Variants in KRABD5 observed in about 807,000 individuals in gnomAD.
KRABD5 encodes KRAB domain-containing protein 5.
At chr16:31,713,991 G>T in the KRABD5 span, among the ~76,000 whole-genome samples, 1 of 152,192 alleles carries the variant, frequency 6.6e-6, no homozygotes. Context: ...TTCCACTTTG[G>T]CTGTAGAAAA....
At chr16:31,757,156 A>G in the KRABD5 span, 1 of 152,180 alleles carries the variant, frequency 6.6e-6, no homozygotes, top group Admixed American at 6.5e-5. Context: ...ATGGATTTTA[A>G]GAATGTTTTT....
the KRABD5 span, among the ~76,000 whole-genome samples, chr16:31,740,257 A>G: frequency 1.3e-5 from 2 of 152,152 alleles, no homozygotes; most frequent in South Asian, 2.1e-4. Flanking sequence ...AGTCCCTTAG[A>G]CACTCTGTTT....
At chr16:31,736,407 T>C in the KRABD5 span, among the ~76,000 whole-genome samples, 1 of 91,632 alleles carries the variant, frequency 1.1e-5, no homozygotes, top group African/African-American at 5.5e-5. Context: ...CATGTACATT[T>C]AGTTTTTTTT....
At chr16:31,740,680 G>T in the KRABD5 span, among the ~76,000 whole-genome samples, 1 of 151,342 alleles carries the variant, frequency 6.6e-6, no homozygotes, top group Admixed American at 6.6e-5. Flanking sequence ...TGTAGTCCCA[G>T]TGACTCAGGA....
chr16:31,717,009 T>G, the KRABD5 span, among the ~76,000 whole-genome samples: 4 of 146,174 alleles, frequency 2.7e-5, no homozygotes, highest in African/African-American at 5.1e-5. Context: ...TTTTTTTTTT[T>G]TTTTTTTTTT....
the KRABD5 span, chr16:31,733,598 C>G: frequency 2.2e-6 from 1 of 456,240 alleles, no homozygotes; most frequent in South Asian, 1.5e-5. Context: ...CCTAATGTTT[C>G]TATGAGTTTG....
the KRABD5 span, among the ~76,000 whole-genome samples, chr16:31,735,800 T>A: frequency 2.0e-5 from 3 of 152,208 alleles, no homozygotes; most frequent in Non-Finnish European, 4.4e-5. Flanking sequence ...TCAAATTTCT[T>A]ATATACTCAA....
the KRABD5 span, among the ~76,000 whole-genome samples, chr16:31,746,933 A>G: frequency 1.7e-3 from 261 of 149,826 alleles, no homozygotes; most frequent in African/African-American, 5.9e-3. Flanking sequence ...TGTGTGCTTC[A>G]TGAAGTTCTC....
the KRABD5 span, among the ~76,000 whole-genome samples, chr16:31,723,667 G>A: frequency 3.3e-5 from 5 of 152,198 alleles, no homozygotes; most frequent in Admixed American, 2.0e-4. Context: ...GGGAAAGTCT[G>A]TGCATGTTTC....
At chr16:31,720,795 T>C in the KRABD5 span, among the ~76,000 whole-genome samples, 2 of 152,220 alleles carry the variant, frequency 1.3e-5, no homozygotes, top group South Asian at 2.1e-4. Flanking sequence ...GAGTGATGCA[T>C]GTAAACCATC....
the KRABD5 span, among the ~76,000 whole-genome samples, chr16:31,721,309 A>C: frequency 2.0e-5 from 3 of 152,186 alleles, no homozygotes; most frequent in East Asian, 5.8e-4. Context: ...CATAAGCATC[A>C]TTTGATCAGT....
chr16:31,737,182 G>A, the KRABD5 span, among the ~76,000 whole-genome samples: 1 of 151,392 alleles, frequency 6.6e-6, no homozygotes, highest in Non-Finnish European at 1.5e-5. Flanking sequence ...ATTCAACATA[G>A]TACTAGAAGT....
chr16:31,739,724 A>G, the KRABD5 span, among the ~76,000 whole-genome samples: 13 of 152,342 alleles, frequency 8.5e-5, no homozygotes, highest in East Asian at 2.5e-3. Flanking sequence ...ATCTGGCCAT[A>G]AACTGGTCCC....
At chr16:31,743,477 C>G in the KRABD5 span, among the ~76,000 whole-genome samples, 1 of 152,092 alleles carries the variant, frequency 6.6e-6, no homozygotes, top group Non-Finnish European at 1.5e-5. Context: ...TTCCATTGGT[C>G]TATATATCTG....
At chr16:31,760,648 C>A in the KRABD5 span, 1 of 151,890 alleles carries the variant, frequency 6.6e-6, no homozygotes, top group Non-Finnish European at 1.5e-5. Context: ...CTCTACAGAT[C>A]TATTTTTTAT....
At chr16:31,737,150 G>A in the KRABD5 span, among the ~76,000 whole-genome samples, 1 of 152,120 alleles carries the variant, frequency 6.6e-6, no homozygotes, top group African/African-American at 2.4e-5. Flanking sequence ...ACATGATAAG[G>A]ATACCAATTT....
the KRABD5 span, chr16:31,713,567 C>T: frequency 7.5e-7 from 1 of 1,326,702 alleles, no homozygotes; most frequent in South Asian, 1.5e-5. Flanking sequence ...TTGGTCCCCT[C>T]CGCCGCAAGA....
the KRABD5 span, among the ~76,000 whole-genome samples, chr16:31,734,004 A>G: frequency 6.6e-6 from 1 of 152,194 alleles, no homozygotes; most frequent in South Asian, 2.1e-4. Flanking sequence ...ACCAATTTTC[A>G]TGACCAAGCT....
the KRABD5 span, among the ~76,000 whole-genome samples, chr16:31,748,277 G>T: frequency 1.3e-5 from 2 of 152,124 alleles, no homozygotes; most frequent in Non-Finnish European, 2.9e-5. Flanking sequence ...TTTTTGTCAG[G>T]TTTGTCAAAG....
Sources: allele counts gnomAD v4.1 joint callset (sites outside exome capture counted in the v4.1 genomes callset), GRCh38; gene constraint gnomAD v4.1.1; transcripts MANE v1.5; gene names NCBI Gene and HGNC (gene_info 2026-07-23, HGNC 2026-07-21).